The following CTIF variants were observed in gnomAD, a reference collection of about 807,000 sequenced individuals.
The protein encoded by CTIF is cap binding complex dependent translation initiation factor.
CTIF carries 21 observed loss-of-function variants against 66.0 expected under a neutral mutation model. The ratio of observed to expected loss-of-function variants is 0.32; its 90% CI spans 0.23 to 0.46. The LOEUF (loss-of-function observed/expected upper bound fraction) is 0.46. Among genes scored for constraint, CTIF ranks in the 20% least tolerant of loss-of-function variants. CTIF has a pLI of 1.00. For missense variants in CTIF, 739 were observed against 812.7 expected, an observed-to-expected ratio of 0.91 and a Z score of 1.10; for synonymous variants, 345 against 326.4, an observed-to-expected ratio of 1.06 and a Z score of -0.62.
chr18:48,676,697 G>A (rs2091635356), intron 6 of CTIF, among the ~76,000 whole-genome samples: 1 of 152,004 alleles, frequency 6.6e-6, no homozygotes, highest in Non-Finnish European at 1.5e-5. Context: ...GGGACGGAAA[G>A]TGGCTTTCTG....
chr18:48,804,702 C>T (rs761475207), intron 9 of CTIF, among the ~76,000 whole-genome samples: 1 of 152,184 alleles, frequency 6.6e-6, no homozygotes, highest in Non-Finnish European at 1.5e-5. Flanking sequence ...AGACCTTCCA[C>T]GATGCTGCCC....
chr18:48,711,479 A>C, intron 6 of CTIF, 140 bp from the exon 7 acceptor site: 1 of 629,930 alleles, frequency 1.6e-6, no homozygotes, highest in Non-Finnish European at 2.8e-6. Context: ...TTCAGTCTGG[A>C]TTTGGTGGTT....
At chr18:48,570,080 G>T (rs1285185396) in intron 1 of CTIF, among the ~76,000 whole-genome samples, 1 of 152,136 alleles carries the variant, frequency 6.6e-6, no homozygotes, top group Non-Finnish European at 1.5e-5. Flanking sequence ...CACGTTGATT[G>T]GTTTACTTCC....
At chr18:48,625,603 C>A (rs1052481659) in intron 2 of CTIF, among the ~76,000 whole-genome samples, 2 of 152,162 alleles carry the variant, frequency 1.3e-5, no homozygotes, top group Admixed American at 6.5e-5. Flanking sequence ...ATTGTCAAAT[C>A]ATATATCATA....
rs2069463082 is a variant in CTIF at position 48,861,364 on chromosome 18, C to G, written c.*1805C>G. 1 of 152,890 alleles carries G rather than the reference C, an allele frequency of 6.5e-6. No homozygotes were observed. The highest frequency in any genetic ancestry group is 2.1e-4 in the South Asian group (1 of 4,840). 9.5% of individuals were successfully genotyped at this position (152,890 alleles called of 1,614,324 possible). A position where few individuals can be genotyped will look rare whatever the true frequency, so the allele number is the denominator to read the frequency against. Reference sequence around the variant, plus strand: ...CCTGAACCCTGCCTTCTTCCTCCCTCCACGGTTTCTTCCCAGACTTTCTCA... The same window carrying G: ...CCTGAACCCTGCCTTCTTCCTCCCTGCACGGTTTCTTCCCAGACTTTCTCA... On this transcript the variant is annotated 3_prime_UTR_variant, in exon 12 of 12. Transcript: ENST00000256413.
At chr18:48,640,451 C>T (rs1021439764) in intron 3 of CTIF, among the ~76,000 whole-genome samples, 34 of 152,234 alleles carry the variant, frequency 2.2e-4, no homozygotes, top group Non-Finnish European at 1.9e-4. Context: ...CAGTCATTCC[C>T]TAGTGGGCCC....
At chr18:48,754,424 CAG>C (rs1908141391) in intron 7 of CTIF, among the ~76,000 whole-genome samples, 1 of 152,204 alleles carries the variant, frequency 6.6e-6, no homozygotes, top group Non-Finnish European at 1.5e-5. Flanking sequence ...TGCCTGCACA[CAG>C]AGGCCAGTCC....
chr18:48,711,922 T>C (rs951254954), intron 7 of CTIF, among the ~76,000 whole-genome samples: 1 of 152,156 alleles, frequency 6.6e-6, no homozygotes, highest in Admixed American at 6.5e-5. Context: ...GGCGTTTGGC[T>C]GAGAGCCCAC....
intron 9 of CTIF, among the ~76,000 whole-genome samples, chr18:48,810,869 TC>T (rs2068245496): frequency 2.0e-5 from 3 of 151,918 alleles, no homozygotes; most frequent in Non-Finnish European, 4.4e-5. Flanking sequence ...TAAAAATACT[TC>T]CCTTTTACTA....
chr18:48,764,894 A>T (rs1264907710), intron 9 of CTIF, among the ~76,000 whole-genome samples: 1 of 152,234 alleles, frequency 6.6e-6, no homozygotes, highest in Non-Finnish European at 1.5e-5. Flanking sequence ...TGCCATGGGA[A>T]GGCGGGTGGA....
At chr18:48,594,855 T>C (rs1177975630) in intron 1 of CTIF, among the ~76,000 whole-genome samples, 1 of 152,186 alleles carries the variant, frequency 6.6e-6, no homozygotes, top group Non-Finnish European at 1.5e-5. Flanking sequence ...GGCTGCAGCA[T>C]GCCCTGAGGA....
intron 6 of CTIF, among the ~76,000 whole-genome samples, chr18:48,682,412 G>T (rs2091762178): frequency 6.6e-6 from 1 of 152,190 alleles, no homozygotes; most frequent in Non-Finnish European, 1.5e-5. Context: ...GCAAAGTCTT[G>T]TGTTCTATCT....
In CTIF at chr18:48,670,724, A is replaced by G; in HGVS notation, c.487A>G (p.Lys163Glu). ...GDGINLNDIE[K>E]VLPAWQGYHP... is the part of the protein sequence containing the mutation. ...TGGCATCAACCTGAATGACATCGAG[A>G]AGGTCCTTCCAGCCTGGCAGGTAGG... The change falls in exon 6 of 12, where the codon AAG becomes GAG. Residue 163 changes from lysine to glutamate, a missense_variant. This residue lies in a region of CTIF where 529 missense variants were observed against 520.3 expected (regional missense o/e 1.02). Transcript: ENST00000256413. 1 of 1,614,102 alleles carries G rather than the reference A, an allele frequency of 6.2e-7. No homozygotes were observed. The highest frequency in any genetic ancestry group is 8.5e-7 in the Non-Finnish European group (1 of 1,179,956).
At chr18:48,574,918 A>C (rs886493295) in intron 1 of CTIF, among the ~76,000 whole-genome samples, 1 of 152,208 alleles carries the variant, frequency 6.6e-6, no homozygotes, top group Non-Finnish European at 1.5e-5. Context: ...GGAGAATAGA[A>C]ATATGGGCTA....
rs1909028873 is a variant in CTIF, at chr18:48,761,794, C to T, written c.1371+105C>T. 1 of 1,155,996 alleles carries T rather than the reference C, an allele frequency of 8.7e-7. No homozygotes were observed. 71.6% of individuals were successfully genotyped at this position (1,155,996 alleles called of 1,614,324 possible). ...GAGTTCTGGCCACAGTTGGACTTTT[C>T]CCAAGTTCCGCCCTTGCCCGATTAA... On this transcript the variant is annotated intron_variant, in intron 9 of 11. Coordinates refer to ENST00000256413, the MANE Select transcript of CTIF (RefSeq NM_014772.3). The surrounding 1 kb of genome is among the most constrained non-coding windows in gnomAD (Gnocchi z 4.2).
chr18:48,645,087 C>T lies in CTIF; in HGVS notation c.252+8402C>T, dbSNP rs772152978. ...GCAATAGATGTTCTTATCTATATTT[C>T]TCCTGCTAAATACAACTAAAAACCC... On this transcript the variant is annotated intron_variant, in intron 3 of 11. Coordinates refer to ENST00000256413, the MANE Select transcript of CTIF (RefSeq NM_014772.3). Among the ~76,000 whole-genome samples the T allele has an allele frequency of 2.0e-5, 3 of 152,058 alleles. No homozygotes were observed. The East Asian group carries it at 5.8e-4, about 29-fold the overall frequency.
chr18:48,813,189 A>G (rs2068296491), intron 9 of CTIF, among the ~76,000 whole-genome samples: 1 of 152,084 alleles, frequency 6.6e-6, no homozygotes, highest in Non-Finnish European at 1.5e-5. Flanking sequence ...CTCTCTCCTA[A>G]TCCCAGTTCC....
Position 48,761,310 on chromosome 18 carries a change from C to T in CTIF, c.1072-80C>T. 7.0e-7 allele frequency: 1 copy of T among 1,420,232 alleles called. No homozygotes were observed. Among genetic ancestry groups the T allele is most frequent in the East Asian group, 2.3e-5 (1 of 43,368 alleles). The allele number at this position is 1,420,232 out of a possible 1,614,324, so 88.0% of individuals were successfully genotyped here. A position where few individuals can be genotyped will look rare whatever the true frequency, so the allele number is the denominator to read the frequency against. ...CCTGGTCCTGCTTTCTGGGGGTGGC[C>T]ACCCTCTTTCCACCAGGCCACCCCT... On this transcript the variant is annotated intron_variant, in intron 8 of 11. Coordinates refer to ENST00000256413, the MANE Select transcript of CTIF (RefSeq NM_014772.3). This position sits in a 1 kb window ranked among gnomAD's most constrained non-coding sequence, Gnocchi z 4.2.
chr18:48,660,881 C>G (rs755462097), intron 3 of CTIF, among the ~76,000 whole-genome samples: 9 of 152,228 alleles, frequency 5.9e-5, no homozygotes, highest in Non-Finnish European at 1.3e-4. Context: ...TGGCCATGAC[C>G]TTCTCTACAT....
Sources: gnomAD v4.1 joint callset for allele counts (sites outside exome capture counted in the v4.1 genomes callset) on GRCh38, gnomAD v4.1.1 for gene constraint, gnomAD v4.1.1 regional missense constraint, Gnocchi (gnomAD v3.1) non-coding constraint, MANE v1.5 for transcripts, NCBI Gene and HGNC (gene_info 2026-07-23, HGNC 2026-07-21) for gene names.